Variants in DNAH14 observed in about 807,000 individuals in gnomAD.
The protein encoded by DNAH14 is dynein axonemal heavy chain 14, also known as axonemal beta dynein heavy chain 14.
DNAH14 carries 478 observed loss-of-function variants against 520.9 expected under a neutral mutation model. That is an observed-to-expected ratio of 0.92 (90% CI 0.85 to 0.99). DNAH14 has a LOEUF of 0.99. DNAH14 is among the 50% of genes least tolerant of loss of function. The probability of loss-of-function intolerance (pLI) is 0.00; values close to 1 mark genes in which losing one functional copy is unlikely to be tolerated. For missense variants in DNAH14, 4,831 were observed against 5,234.5 expected (o/e 0.92, Z 2.38); for synonymous variants, 1,581 against 1,757.2 (o/e 0.90, Z 2.51).
chr1:225,048,253 C>T (rs975750636), intron 15 of DNAH14, among the ~76,000 whole-genome samples: 2 of 152,204 alleles, frequency 1.3e-5, no homozygotes, highest in Non-Finnish European at 2.9e-5. Context: ...GTAATCCCAG[C>T]ACTTTGGGAG....
chr1:225,207,472 T>C (rs1031216795), intron 41 of DNAH14, among the ~76,000 whole-genome samples: 4 of 152,158 alleles, frequency 2.6e-5, no homozygotes, highest in Non-Finnish European at 5.9e-5. Flanking sequence ...AGGGTCTCTA[T>C]TAAAGAAGAA....
At chr1:225,185,699 A>G (rs1410691176) in intron 37 of DNAH14, among the ~76,000 whole-genome samples, 1 of 151,792 alleles carries the variant, frequency 6.6e-6, no homozygotes, top group Non-Finnish European at 1.5e-5. Context: ...CAATTGAATC[A>G]TCTTCACATG....
intron 8 of DNAH14, among the ~76,000 whole-genome samples, chr1:224,997,718 A>G (rs1342541795): frequency 6.6e-6 from 1 of 151,814 alleles, no homozygotes; most frequent in Non-Finnish European, 1.5e-5. Flanking sequence ...TAAATTATGA[A>G]TTCAATTTTC....
intron 20 of DNAH14, among the ~76,000 whole-genome samples, chr1:225,084,747 C>G (rs2073538566): frequency 3.5e-5 from 1 of 28,480 alleles, no homozygotes; most frequent in African/African-American, 5.6e-5. Context: ...GAAGATCTGA[C>G]TATTTGTCAG....
At position 225,207,127 on chromosome 1, in the gene DNAH14, T is replaced by C. The variant is rs1220527382; in HGVS notation, c.6346T>C (p.Tyr2116His). 5 of 1,551,068 alleles carry C rather than the reference T, an allele frequency of 3.2e-6. No individual in the cohort carries two copies. The highest frequency in any genetic ancestry group is 4.4e-6 in the Non-Finnish European group (5 of 1,146,676). ...FIRNRQKFQP[Y>H]PMEDITVVIT... ...AAGGAATCGTCAGAAATTTCAGCCA[T>C]ATCCTATGGAGGACATAACAGTCGT... The change falls in exon 41 of 86, where the codon TAT becomes CAT. Residue 2116 changes from tyrosine (Y) to histidine (H), a missense_variant. Coordinates refer to ENST00000682510, the MANE Select transcript of DNAH14 (RefSeq NM_001367479.1).
chr1:225,263,230 A>ATGTG lies in DNAH14; in HGVS notation c.7158-967_7158-966insTGTG, dbSNP rs2092999291. Among the ~76,000 whole-genome samples the ATGTG allele has an allele frequency of 2.0e-4, 30 of 146,838 alleles. No homozygotes were observed. The East Asian group carries it at 6.2e-3, about 30-fold the overall frequency. ...CACACATATATATACATGTATATATACATATATATACACATATATATACAT... is the reference window on the plus strand; with the variant it reads ...CACACATATATATACATGTATATATATGTGCATATATATACACATATATATACAT... On this transcript the variant is annotated intron_variant, in intron 46 of 85. Transcript: ENST00000682510.
At chr1:224,934,322 A>G (rs1411768267) in intron 1 of DNAH14, among the ~76,000 whole-genome samples, 2 of 151,998 alleles carry the variant, frequency 1.3e-5, no homozygotes, top group Non-Finnish European at 2.9e-5. Flanking sequence ...AATTTCCTAA[A>G]GAGATAAGAT....
Position 225,398,673 on chromosome 1 carries a change from AC to A in DNAH14, c.13638+10del. The A allele has an allele frequency of 5.2e-6, 8 of 1,551,486 alleles. No homozygotes were observed. The highest frequency in any genetic ancestry group is 7.0e-6 in the Non-Finnish European group (8 of 1,146,820). On this transcript the variant is annotated splice_region_variant and intron_variant, in intron 85 of 85. Coordinates refer to ENST00000682510, the MANE Select transcript of DNAH14 (RefSeq NM_001367479.1). ...ATACTTTTTGCCAACAAAGGTAATC[AC>A]CCTGCTATTATCCTGAAGTCCTAAA...
rs202046747 is a variant in DNAH14 at position 225,082,617 on chromosome 1, A to C, written c.3205A>C (p.Ile1069Leu). 6.4e-7 allele frequency: 1 copy of C among 1,551,514 alleles called. No individual in the cohort carries two copies. Residue 1069 changes from isoleucine to leucine, a missense_variant, in exon 20 of 86, where the codon ATC (isoleucine) becomes CTC (leucine). By Grantham distance (5) the Ile-to-Leu change is conservative. Coordinates refer to ENST00000682510, the MANE Select transcript of DNAH14 (RefSeq NM_001367479.1). Reference protein sequence around the residue: ...VVTEFKQELPIIIALGNPCLK... With the variant: ...VVTEFKQELPLIIALGNPCLK... ...AACAGAGTTTAAACAAGAGCTGCCTATCATTATAGCTCTGGGAAATCCCTG... is the reference window on the plus strand; with the variant it reads ...AACAGAGTTTAAACAAGAGCTGCCTCTCATTATAGCTCTGGGAAATCCCTG...
intron 64 of DNAH14, among the ~76,000 whole-genome samples, chr1:225,325,520 GT>G (rs2094644448): frequency 6.6e-6 from 1 of 151,106 alleles, no homozygotes; most frequent in Non-Finnish European, 1.5e-5. Flanking sequence ...TACTTAACCT[GT>G]TTATATCATT....
At chr1:225,295,219 T>C (rs2093981917) in intron 55 of DNAH14, among the ~76,000 whole-genome samples, 1 of 152,180 alleles carries the variant, frequency 6.6e-6, no homozygotes, top group Non-Finnish European at 1.5e-5. Flanking sequence ...GTTGTGTTGA[T>C]CTTTGATATT....
At chr1:225,145,422 TAAAAC>T in intron 30 of DNAH14, 43 bp downstream of exon 30, 1 of 1,346,222 alleles carries the variant, frequency 7.4e-7, no homozygotes. Context: ...ATTGTACACA[TAAAAC>T]ATAAAACAAT....
chr1:225,245,457 C>T (rs1490899851), intron 43 of DNAH14, among the ~76,000 whole-genome samples: 1 of 152,074 alleles, frequency 6.6e-6, no homozygotes, highest in African/African-American at 2.4e-5. Context: ...TACAGTTTCC[C>T]ACCATTATTG....
intron 27 of DNAH14, among the ~76,000 whole-genome samples, chr1:225,125,778 C>A (rs1213379718): frequency 6.6e-6 from 1 of 152,164 alleles, no homozygotes; most frequent in East Asian, 1.9e-4. Context: ...CACAACTTGA[C>A]TGTTTGGCAG....
chr1:224,990,433 A>C (rs888191116), intron 8 of DNAH14, among the ~76,000 whole-genome samples: 1 of 152,120 alleles, frequency 6.6e-6, no homozygotes, highest in African/African-American at 2.4e-5. Context: ...TTCCCATCTG[A>C]GGCTTTGTAT....
intron 35 of DNAH14, among the ~76,000 whole-genome samples, chr1:225,159,904 T>C (rs1055051304): frequency 6.6e-6 from 1 of 152,174 alleles, no homozygotes; most frequent in African/African-American, 2.4e-5. Flanking sequence ...TTGTTTCTCT[T>C]ATATCTATAG....
At chr1:225,156,709 C>CTTTTTTTTTTTT (rs71170061) in intron 34 of DNAH14, among the ~76,000 whole-genome samples, 7 of 68,164 alleles carry the variant, frequency 1.0e-4, no homozygotes, top group East Asian at 6.3e-4. Context: ...TCTTAAAATT[C>CTTTTTTTTTTTT]TTTTTTTTTT....
chr1:224,949,068 ATT>A (rs991638049), intron 1 of DNAH14, among the ~76,000 whole-genome samples: 1 of 151,440 alleles, frequency 6.6e-6, no homozygotes, highest in Non-Finnish European at 1.5e-5. Context: ...GTGTTTATTG[ATT>A]TTATTTGCCT....
chr1:225,050,448 A>C, intron 16 of DNAH14, 72 bp downstream of exon 16: 1 of 1,422,066 alleles, frequency 7.0e-7, no homozygotes, highest in Non-Finnish European at 9.3e-7. Flanking sequence ...AAATGAAATG[A>C]ATTTATTGAA....
Sources: gnomAD v4.1 joint callset for allele counts (sites outside exome capture counted in the v4.1 genomes callset) on GRCh38, gnomAD v4.1.1 for gene constraint, MANE v1.5 for transcripts, NCBI Gene and HGNC (gene_info 2026-07-23, HGNC 2026-07-21) for gene names.